ATP10A: variants seen among roughly 807,000 people sequenced by gnomAD.
ATP10A encodes the protein ATPase phospholipid transporting 10A (putative), also known as phospholipid-transporting ATPase VA.
ATP10A carries 111 observed loss-of-function variants against 147.8 expected under a neutral mutation model. The observed-to-expected ratio is 0.75, with a 90% confidence interval of 0.64 to 0.88. The LOEUF (loss-of-function observed/expected upper bound fraction) is 0.88, where lower values mean the gene tolerates loss of function less well. Among genes scored for constraint, ATP10A ranks in the 40% least tolerant of loss-of-function variants. The pLI, the probability that ATP10A is intolerant of heterozygous loss-of-function variation, is 0.00. For missense variants in ATP10A, 1,927 were observed against 1,959.0 expected, an observed-to-expected ratio of 0.98 and a Z score of 0.31; for synonymous variants, 875 against 841.6, an observed-to-expected ratio of 1.04 and a Z score of -0.69.
intron 1 of ATP10A, among the ~76,000 whole-genome samples, chr15:25,856,248 C>A (rs1372169937): frequency 6.6e-6 from 1 of 152,100 alleles, no homozygotes; most frequent in Non-Finnish European, 1.5e-5. Context: ...ATGCTGTTCT[C>A]GTGCTAATGA....
intron 1 of ATP10A, among the ~76,000 whole-genome samples, chr15:25,837,872 G>A (rs1221958203): frequency 1.3e-5 from 2 of 152,222 alleles, no homozygotes; most frequent in Non-Finnish European, 2.9e-5. Context: ...TGGGGAAGAC[G>A]GGTGGGGAGG....
At chr15:25,715,333 C>A (rs751377276) in intron 9 of ATP10A, among the ~76,000 whole-genome samples, 1 of 152,192 alleles carries the variant, frequency 6.6e-6, no homozygotes, top group Non-Finnish European at 1.5e-5. Flanking sequence ...TCGAAGGTGG[C>A]GCTCACCAAC....
intron 9 of ATP10A, 95 bp from the exon 10 acceptor site, chr15:25,714,336 G>A: frequency 8.6e-7 from 1 of 1,162,972 alleles, no homozygotes. Flanking sequence ...GCACTTGGAG[G>A]AACAATGACC....
rs558045409 is a variant in ATP10A at position 25,850,649 on chromosome 15, C to G, written c.449+11999G>C. ...CCATTCTCCCTCCCTCCCTCCCCCC[C>G]CAGCCCCGGTGACTCACTCCGCGGC... On this transcript the variant is annotated intron_variant, in intron 1 of 20. Coordinates refer to ENST00000555815, the MANE Select transcript of ATP10A (RefSeq NM_024490.4). Among the ~76,000 whole-genome samples, 390 of 150,392 alleles carry G rather than the reference C, an allele frequency of 2.6e-3. 2 individuals are homozygous for G. Among genetic ancestry groups the G allele is most frequent in the African/African-American group, 8.6e-3 (348 of 40,616 alleles).
At chr15:25,714,759 AT>A (rs954529058) in intron 9 of ATP10A, among the ~76,000 whole-genome samples, 64 of 152,074 alleles carry the variant, frequency 4.2e-4, no homozygotes, top group African/African-American at 1.4e-3. Context: ...AAAACTGGGC[AT>A]TTTTTTTCCA....
At chr15:25,764,293 T>C (rs1203362536) in intron 2 of ATP10A, among the ~76,000 whole-genome samples, 1 of 152,224 alleles carries the variant, frequency 6.6e-6, no homozygotes, top group Non-Finnish European at 1.5e-5. Context: ...ACTCAGGATG[T>C]TCCCTGCTAC....
At chr15:25,809,089 C>T (rs1014153115) in intron 1 of ATP10A, among the ~76,000 whole-genome samples, 1 of 152,126 alleles carries the variant, frequency 6.6e-6, no homozygotes, top group African/African-American at 2.4e-5. Context: ...GTGAGAATGT[C>T]CCTCTTGTGT....
chr15:25,747,302 A>G (rs1004458457), intron 2 of ATP10A, among the ~76,000 whole-genome samples: 3 of 151,720 alleles, frequency 2.0e-5, no homozygotes, highest in Admixed American at 6.6e-5. Flanking sequence ...AAAAAAAAAA[A>G]AAAAGAAAAA....
At chr15:25,864,235 G>A (rs923944134), upstream of ATP10A, among the ~76,000 whole-genome samples, 1 of 152,124 alleles carries the variant, frequency 6.6e-6, no homozygotes, top group African/African-American at 2.4e-5. Flanking sequence ...AGAAGGGGTG[G>A]GAGAATAAGC....
chr15:25,712,040 C>A (rs1353616803), intron 10 of ATP10A, among the ~76,000 whole-genome samples: 1 of 152,134 alleles, frequency 6.6e-6, no homozygotes, highest in Non-Finnish European at 1.5e-5. Flanking sequence ...GGCAGGGGGG[C>A]CCTGCCTCTT....
chr15:25,850,649 C>A (rs558045409), intron 1 of ATP10A, among the ~76,000 whole-genome samples: 1 of 150,288 alleles, frequency 6.7e-6, no homozygotes, highest in East Asian at 2.0e-4. Flanking sequence ...CCCTCCCCCC[C>A]CAGCCCCGGT....
chr15:25,795,107 T>C lies in ATP10A; in HGVS notation c.450-13884A>G, dbSNP rs149112455. On this transcript the variant is annotated intron_variant, in intron 1 of 20. Coordinates refer to ENST00000555815, the MANE Select transcript of ATP10A (RefSeq NM_024490.4). The stretch of plus-strand genomic sequence containing the variant: ...TTTATTTAGGAAAAACAATTGTTTT[T>C]TCTTTGGGAAAATTGTGTAGGTTAC... Among the ~76,000 whole-genome samples, 1,091 of 152,332 alleles carry C rather than the reference T, an allele frequency of 7.2e-3. 10 individuals carry two copies. The highest frequency in any genetic ancestry group is 0.019 in the South Asian group (94 of 4,826).
chr15:25,752,296 C>T (rs1888194574), intron 2 of ATP10A, among the ~76,000 whole-genome samples: 2 of 152,124 alleles, frequency 1.3e-5, no homozygotes, highest in Admixed American at 1.3e-4. Context: ...GGTATAGATA[C>T]ACAATGAAAT....
At chr15:25,757,631 T>A (rs565626133) in intron 2 of ATP10A, among the ~76,000 whole-genome samples, 1 of 152,324 alleles carries the variant, frequency 6.6e-6, no homozygotes, top group East Asian at 1.9e-4. Context: ...TGAGGATTTG[T>A]TTTTGGTAAA....
intron 1 of ATP10A, among the ~76,000 whole-genome samples, chr15:25,783,561 T>C (rs1490006644): frequency 6.6e-6 from 1 of 152,212 alleles, no homozygotes; most frequent in East Asian, 1.9e-4. Context: ...CCTGCCATTT[T>C]AAGCCTCTAC....
intron 1 of ATP10A, among the ~76,000 whole-genome samples, chr15:25,840,422 A>T (rs1456348381): frequency 6.6e-6 from 1 of 152,048 alleles, no homozygotes; most frequent in Admixed American, 6.5e-5. Flanking sequence ...TTTAGCTCCC[A>T]GGCTTTTTCC....
intron 8 of ATP10A, among the ~76,000 whole-genome samples, chr15:25,717,594 C>A (rs1323184482): frequency 6.6e-6 from 1 of 152,174 alleles, no homozygotes; most frequent in African/African-American, 2.4e-5. Flanking sequence ...GAAATCAGCC[C>A]TATTTAGATG....
chr15:25,776,582 A>G (rs1000044705), intron 2 of ATP10A, among the ~76,000 whole-genome samples: 10 of 152,194 alleles, frequency 6.6e-5, no homozygotes, highest in African/African-American at 2.2e-4. Flanking sequence ...TTCTTGGATA[A>G]CATCCATTCA....
intron 1 of ATP10A, among the ~76,000 whole-genome samples, chr15:25,811,248 G>A (rs1004107515): frequency 1.3e-5 from 2 of 152,192 alleles, no homozygotes; most frequent in Non-Finnish European, 2.9e-5. Flanking sequence ...GGACTTCCCT[G>A]GACTCCAGCA....
Sources: gnomAD v4.1 joint callset for allele counts (sites outside exome capture counted in the v4.1 genomes callset) on GRCh38, gnomAD v4.1.1 for gene constraint, MANE v1.5 for transcripts, NCBI Gene and HGNC (gene_info 2026-07-23, HGNC 2026-07-21) for gene names.